The following CIITA variants were observed in gnomAD, a reference collection of about 807,000 sequenced individuals.
CIITA encodes the protein MHC class II transactivator.
In CIITA, 72 loss-of-function variants were observed where a neutral mutation model predicts 115.1. The ratio of observed to expected loss-of-function variants is 0.63; its 90% CI spans 0.52 to 0.76. CIITA has a LOEUF of 0.76. CIITA is among the 30% of genes least tolerant of loss of function. CIITA has a pLI of 0.00. For missense variants in CIITA, 1,617 were observed against 1,463.8 expected, an observed-to-expected ratio of 1.10 and a Z score of -1.71; for synonymous variants, 763 against 635.6, an observed-to-expected ratio of 1.20 and a Z score of -3.02.
At chr16:10,869,856 T>C (rs908919636) in intron 1 of CIITA, among the ~76,000 whole-genome samples, 1 of 152,116 alleles carries the variant, frequency 6.6e-6, no homozygotes. Context: ...GTGTTGTTTA[T>C]TGTTTGACCC....
intron 13 of CIITA, among the ~76,000 whole-genome samples, chr16:10,911,209 TTCTTCTC>T (rs927297479): frequency 5.9e-5 from 6 of 101,930 alleles, no homozygotes; most frequent in African/African-American, 2.0e-4. Flanking sequence ...TTTCTTTCCT[TTCTTCTC>T]TCTTTCTTTT....
intron 11 of CIITA, chr16:10,908,769 G>A (rs4780334): frequency 0.69 from 418,518 of 605,790 alleles, 146,525 homozygotes; most frequent in East Asian, 0.79. Context: ...AAGCTGTAAG[G>A]TCCTACATAA....
chr16:10,885,343 C>A (rs1024538675), intron 1 of CIITA, among the ~76,000 whole-genome samples: 4 of 152,194 alleles, frequency 2.6e-5, no homozygotes, highest in Non-Finnish European at 4.4e-5. Flanking sequence ...CATACACATG[C>A]ACACACATGC....
rs559189035 is a variant in CIITA at position 10,895,211 on chromosome 16, T to C, written c.53-71T>C. ...TCCCCAGCCCTCACCAGCTGGGAGT[T>C]GTTGTAGGTGTCAATTTTCTGCCTC... On this transcript the variant is annotated intron_variant, in intron 1 of 19. Transcript: ENST00000324288. 3.2e-5 allele frequency: 51 copies of C among 1,577,844 alleles called. 3 individuals carry two copies. The South Asian group carries it at 5.5e-4, about 17-fold the overall frequency.
chr16:10,905,639 G>GTAA (rs1567413291), intron 10 of CIITA, among the ~76,000 whole-genome samples: 3 of 152,042 alleles, frequency 2.0e-5, no homozygotes, highest in African/African-American at 7.2e-5. Flanking sequence ...GTGGGTGCCT[G>GTAA]TAATCCCAGC....
At chr16:10,905,558 C>G (rs1005095740) in intron 10 of CIITA, among the ~76,000 whole-genome samples, 4 of 151,892 alleles carry the variant, frequency 2.6e-5, no homozygotes, top group Non-Finnish European at 5.9e-5. Context: ...GTCAGGAGTT[C>G]GAGACCAGCC....
chr16:10,896,247 C>A (rs558051491), intron 3 of CIITA, among the ~76,000 whole-genome samples: 42 of 152,276 alleles, frequency 2.8e-4, no homozygotes, highest in Middle Eastern at 3.4e-3. Context: ...CTGTCTTTTA[C>A]AAATGAGGAA....
In CIITA at chr16:10,904,852, T is replaced by A. The variant is rs187355811; in HGVS notation, c.1006+40T>A. The A allele has an allele frequency of 9.9e-5, 159 of 1,603,338 alleles. 1 individual carries two copies. In the Middle Eastern group the frequency reaches 2.3e-3, roughly 23 times the overall value. ...ATCTCTCTGCCCTGGGTGGTGGAGA[T>A]GGAAGCCCATATCTGGCTTCACATT... On this transcript the variant is annotated intron_variant, in intron 10 of 19. Coordinates refer to ENST00000324288, the MANE Select transcript of CIITA (RefSeq NM_000246.4).
chr16:10,910,364 T>C (rs973904837), intron 13 of CIITA, 105 bp downstream of exon 13: 2 of 991,128 alleles, frequency 2.0e-6, no homozygotes, highest in African/African-American at 3.2e-5. Context: ...GAATCATTCT[T>C]ACCCTCTTGC....
At position 10,923,202 on chromosome 16, in the gene CIITA, G is replaced by A. The variant is rs1260142385; in HGVS notation, c.3318-26G>A. The A allele has an allele frequency of 1.2e-6, 2 of 1,609,604 alleles. No homozygotes were observed. Among genetic ancestry groups the A allele is most frequent in the Non-Finnish European group, 1.7e-6 (2 of 1,178,324 alleles). Reference sequence around the variant, plus strand: ...AGGCCGCCCTCTCTCCTCTAACCTGGCTCTGAGTCCCATCCCCCCTTGCAG... The same window carrying A: ...AGGCCGCCCTCTCTCCTCTAACCTGACTCTGAGTCCCATCCCCCCTTGCAG... On this transcript the variant is annotated intron_variant, in intron 18 of 19. Coordinates refer to ENST00000324288, the MANE Select transcript of CIITA (RefSeq NM_000246.4). The surrounding 1 kb of genome is among the most constrained non-coding windows in gnomAD (Gnocchi z 5.2).
At chr16:10,906,414 A>G in intron 10 of CIITA, 85 bp from the exon 11 acceptor site, 2 of 1,419,336 alleles carry the variant, frequency 1.4e-6, no homozygotes, top group Non-Finnish European at 2.0e-6. Context: ...GATGTAAATG[A>G]TGGTGGCAGT....
chr16:10,908,249 G>C, intron 11 of CIITA, 100 bp downstream of exon 11: 1 of 1,368,040 alleles, frequency 7.3e-7, no homozygotes, highest in Non-Finnish European at 1.0e-6. Context: ...TTAGTATGCA[G>C]AGCAGCCGGG....
At chr16:10,913,029 A>T (rs571948168) in intron 13 of CIITA, among the ~76,000 whole-genome samples, 1 of 152,150 alleles carries the variant, frequency 6.6e-6, no homozygotes, top group Non-Finnish European at 1.5e-5. Context: ...GTCCCCACTC[A>T]CCTGTTCACC....
chr16:10,866,598 G>T (rs1425915689), intron 1 of CIITA: 1 of 504,350 alleles, frequency 2.0e-6, no homozygotes, highest in East Asian at 4.4e-5. Context: ...TTTTAATCAA[G>T]GAGAAATGAC....
At position 10,898,756 on chromosome 16, in the gene CIITA, G is replaced by A. The variant is rs1313603885; in HGVS notation, c.358+24G>A. ...CAGTAAGTTTGTGGTGGGTGGGGAG[G>A]TCTTGGCTCAGCCTGCATTTCCTGC... On this transcript the variant is annotated intron_variant, in intron 4 of 19. Coordinates refer to ENST00000324288, the MANE Select transcript of CIITA (RefSeq NM_000246.4). 4 of 1,611,176 alleles carry A rather than the reference G, an allele frequency of 2.5e-6. No homozygotes were observed. In the African/African-American group the frequency reaches 5.4e-5, roughly 22 times the overall value.
upstream of CIITA, among the ~76,000 whole-genome samples, chr16:10,872,807 C>T (rs951562932): frequency 6.6e-6 from 1 of 152,150 alleles, no homozygotes; most frequent in African/African-American, 2.4e-5. Context: ...TGGTGGACTC[C>T]CCATCCAGTG....
chr16:10,924,658 T>A lies in CIITA; in HGVS notation c.*803T>A, dbSNP rs567280586. 1.3e-5 allele frequency: 2 copies of A among 152,352 alleles called. No individual in the cohort carries two copies. Among genetic ancestry groups the A allele is most frequent in the South Asian group, 4.1e-4 (2 of 4,830 alleles). The allele number at this position is 152,352 out of a possible 1,614,324, so 9.4% of individuals were successfully genotyped here. On this transcript the variant is annotated 3_prime_UTR_variant, in exon 20 of 20. Coordinates refer to ENST00000324288, the MANE Select transcript of CIITA (RefSeq NM_000246.4). ...TCCCCAGATTGCAACAGGCTGGGCT[T>A]CAGTGGCAGCTGCTTTTGTCTATGG... is the stretch of plus-strand genomic sequence containing the variant.
Position 10,926,133 on chromosome 16 carries a change from T to C in CIITA, c.*2278T>C, listed in dbSNP as rs2040522631. 1 of 152,282 alleles carries C rather than the reference T, an allele frequency of 6.6e-6. No individual in the cohort carries two copies. Among genetic ancestry groups the C allele is most frequent in the Non-Finnish European group, 1.5e-5 (1 of 68,062 alleles). 9.4% of individuals were successfully genotyped at this position (152,282 alleles called of 1,614,324 possible). On this transcript the variant is annotated 3_prime_UTR_variant, in exon 20 of 20. Coordinates refer to ENST00000324288, the MANE Select transcript of CIITA (RefSeq NM_000246.4). ...AGCCCCAGTGCCCACAGGATCAGTC[T>C]GATTCCCAAGCTCTGCTCCTCTCCC...
chr16:10,941,336 CTT>C (rs1264101066), downstream of CIITA: 1 of 195,796 alleles, frequency 5.1e-6, no homozygotes, highest in African/African-American at 2.3e-5. The surrounding 1 kb of genome is among the most constrained non-coding windows in gnomAD (Gnocchi z 6.4). Flanking sequence ...CCAAATGTAA[CTT>C]AGTCTCGGGG....
Sources: gnomAD v4.1 joint callset for allele counts (sites outside exome capture counted in the v4.1 genomes callset) on GRCh38, gnomAD v4.1.1 for gene constraint, Gnocchi (gnomAD v3.1) non-coding constraint, MANE v1.5 for transcripts, NCBI Gene and HGNC (gene_info 2026-07-23, HGNC 2026-07-21) for gene names.